The following SYDE2 variants were observed in gnomAD, a reference collection of about 807,000 sequenced individuals.
SYDE2 encodes synapse defective Rho GTPase homolog 2.
Under a neutral mutation model 91.5 loss-of-function variants are expected in SYDE2, and 76 were observed. The ratio of observed to expected loss-of-function variants is 0.83; its 90% confidence interval spans 0.69 to 1.01. The LOEUF (loss-of-function observed/expected upper bound fraction) is 1.01, where lower values mean the gene tolerates loss of function less well. Among genes scored for constraint, SYDE2 ranks in the 50% least tolerant of loss-of-function variants. The probability of loss-of-function intolerance (pLI) is 0.00; values close to 1 mark genes in which losing one functional copy is unlikely to be tolerated. For missense variants in SYDE2, 1,364 were observed against 1,367.7 expected (o/e 1.00, Z 0.04); for synonymous variants, 513 against 506.4 (o/e 1.01, Z -0.18).
intron 6 of SYDE2, among the ~76,000 whole-genome samples, chr1:85,162,389 G>A (rs1657094902): frequency 6.6e-6 from 1 of 152,108 alleles, no homozygotes; most frequent in Non-Finnish European, 1.5e-5. Context: ...AACTTTCTCA[G>A]GCCAAGTAAA....
chr1:85,183,241 T>C, intron 2 of SYDE2, 41 bp from the exon 3 acceptor site: 1 of 1,472,512 alleles, frequency 6.8e-7, no homozygotes, highest in Non-Finnish European at 9.0e-7. Flanking sequence ...AAGCAATATG[T>C]TTTGATTTCT....
At chr1:85,186,369 T>C (rs1658139450) in intron 2 of SYDE2, among the ~76,000 whole-genome samples, 1 of 152,164 alleles carries the variant, frequency 6.6e-6, no homozygotes. Context: ...TCAGAAGGAA[T>C]GGTACCAGTT....
chr1:85,185,270 ATATT>A (rs1395853575), intron 2 of SYDE2, among the ~76,000 whole-genome samples: 2 of 148,248 alleles, frequency 1.3e-5, no homozygotes, highest in Non-Finnish European at 1.5e-5. Flanking sequence ...TTTTAATTAT[ATATT>A]TATGAGAAGA....
chr1:85,195,217 C>T (rs565756702), intron 1 of SYDE2, among the ~76,000 whole-genome samples: 1 of 151,694 alleles, frequency 6.6e-6, no homozygotes, highest in East Asian at 1.9e-4. Flanking sequence ...TTTAAAAATT[C>T]TGCAGAAATA....
intron 4 of SYDE2, among the ~76,000 whole-genome samples, chr1:85,175,020 A>G (rs903277422): frequency 3.9e-5 from 6 of 152,222 alleles, no homozygotes; most frequent in Admixed American, 1.3e-4. Flanking sequence ...TTAAAATCAT[A>G]AAAAGGCATG....
chr1:85,164,784 A>G, intron 5 of SYDE2, 27 bp from the exon 6 acceptor site: 1 of 1,298,188 alleles, frequency 7.7e-7, no homozygotes, highest in Non-Finnish European at 9.9e-7. Context: ...TTCAATTAAT[A>G]TAGTCATAAA....
chr1:85,164,394 T>A, intron 6 of SYDE2, 132 bp downstream of exon 6: 2 of 563,762 alleles, frequency 3.5e-6, no homozygotes, highest in South Asian at 3.2e-5. Flanking sequence ...AAAGGGCAGG[T>A]ATCAATTCAC....
chr1:85,180,584 T>C (rs763582156), intron 3 of SYDE2, among the ~76,000 whole-genome samples: 13 of 151,800 alleles, frequency 8.6e-5, no homozygotes, highest in South Asian at 6.2e-4. Flanking sequence ...TCCCAGCTAA[T>C]TGGGAGGCTG....
chr1:85,200,328 G>A lies in SYDE2; in HGVS notation c.669C>T (p.Ser223=), dbSNP rs1237073812. ...APKVTGTQAA[S]PNVGALKVRE... Reference sequence around the variant, plus strand: ...GCACTTTCAAAGCGCCCACATTTGGGGAGGCTGCCTGCGTTCCTGTGACTT... The same window carrying A: ...GCACTTTCAAAGCGCCCACATTTGGAGAGGCTGCCTGCGTTCCTGTGACTT... The change falls in exon 1 of 7, where the codon TCC becomes TCT. Residue 223 remains serine (S), a synonymous_variant. Coordinates refer to ENST00000341460, the MANE Select transcript of SYDE2 (RefSeq NM_032184.2). 1 of 1,614,004 alleles carries A rather than the reference G, an allele frequency of 6.2e-7. No homozygotes were observed. Among genetic ancestry groups the A allele is most frequent in the South Asian group, 1.1e-5 (1 of 91,086 alleles).
At position 85,159,997 on chromosome 1, in the gene SYDE2, C is replaced by G. The variant is rs185357096; in HGVS notation, c.3086-748G>C. 936 of 835,578 alleles carry G rather than the reference C, an allele frequency of 1.1e-3. 24 individuals are homozygous for G. The highest frequency in any genetic ancestry group is 2.4e-4 in the Non-Finnish European group (171 of 700,022). The allele number at this position is 835,578 out of a possible 1,614,324, so 51.8% of individuals were successfully genotyped here. ...GTGCTAGCCATATAGACGATTACCA[C>G]AGAGACACACATTACTTCATTACAA... On this transcript the variant is annotated intron_variant, in intron 6 of 6. Transcript: ENST00000341460.
chr1:85,191,186 A>G (rs1191212433), intron 1 of SYDE2, among the ~76,000 whole-genome samples: 5 of 152,210 alleles, frequency 3.3e-5, no homozygotes, highest in African/African-American at 9.6e-5. Context: ...TCACACAAAG[A>G]TTAACTTTCA....
At position 85,182,336 on chromosome 1, in the gene SYDE2, A is replaced by G; in HGVS notation, c.2306T>C (p.Leu769Ser). ...CCHGTVVLPTLFRVTKTHQLA... is the reference protein window; with the variant it reads ...CCHGTVVLPTSFRVTKTHQLA... ...CTGATGAGTCTTTGTCACTCTAAATAAGGTGGGAAGAACAACAGTTCCATG... is the reference window on the plus strand; with the variant it reads ...CTGATGAGTCTTTGTCACTCTAAATGAGGTGGGAAGAACAACAGTTCCATG... The change falls in exon 3 of 7, where the codon TTA becomes TCA. Residue 769 changes from leucine (L) to serine (S), a missense_variant. Coordinates refer to ENST00000341460, the MANE Select transcript of SYDE2 (RefSeq NM_032184.2). 1 of 1,613,926 alleles carries G rather than the reference A, an allele frequency of 6.2e-7. No individual in the cohort carries two copies. Among genetic ancestry groups the G allele is most frequent in the Non-Finnish European group, 8.5e-7 (1 of 1,179,846 alleles).
Position 85,182,959 on chromosome 1 carries a change from CAAAG to C in SYDE2, c.1679_1682del (p.Ser560CysfsTer29), listed in dbSNP as rs1256047003. 6.2e-7 allele frequency: 1 copy of C among 1,613,768 alleles called. No homozygotes were observed. The highest frequency in any genetic ancestry group is 1.1e-5 in the South Asian group (1 of 91,062). On this transcript the variant is annotated frameshift_variant, in exon 3 of 7. Coordinates refer to ENST00000341460, the MANE Select transcript of SYDE2 (RefSeq NM_032184.2). LOFTEE classifies it high-confidence loss of function. ...GAACTTCTCGGCAGTTATATTTAGA[CAAAG>C]AAGGAGTATTATCTGGACTGTTTAT...
chr1:85,165,548 T>C (rs1657234705), intron 5 of SYDE2, among the ~76,000 whole-genome samples: 1 of 151,802 alleles, frequency 6.6e-6, no homozygotes, highest in Non-Finnish European at 1.5e-5. Context: ...AAGACATGTT[T>C]AAAAGGCCAA....
At chr1:85,166,712 T>A (rs1010119275) in intron 5 of SYDE2, among the ~76,000 whole-genome samples, 3 of 152,224 alleles carry the variant, frequency 2.0e-5, no homozygotes, top group Admixed American at 6.5e-5. Flanking sequence ...TTTAAATTCA[T>A]AATTATTTCC....
chr1:85,181,966 A>G, intron 3 of SYDE2, 132 bp downstream of exon 3: 2 of 986,716 alleles, frequency 2.0e-6, no homozygotes, highest in Non-Finnish European at 2.9e-6. Flanking sequence ...ACAGTAATGG[A>G]ATAAAAATAA....
chr1:85,176,359 GTTTGT>G (rs1214261789), intron 4 of SYDE2, among the ~76,000 whole-genome samples: 3 of 152,014 alleles, frequency 2.0e-5, no homozygotes. Context: ...AAAAGTGACA[GTTTGT>G]TTTATCTTAC....
Position 85,200,920 on chromosome 1 carries a change from G to C in SYDE2, c.77C>G (p.Ala26Gly), listed in dbSNP as rs1046296605. 1 of 1,320,418 alleles carries C rather than the reference G, an allele frequency of 7.6e-7. No homozygotes were observed. The highest frequency in any genetic ancestry group is 2.3e-5 in the South Asian group (1 of 43,604). 81.8% of individuals were successfully genotyped at this position (1,320,418 alleles called of 1,614,324 possible). A position where few individuals can be genotyped will look rare whatever the true frequency, so the allele number is the denominator to read the frequency against. The change falls in exon 1 of 7, where the codon GCC (alanine) becomes GGC (glycine). Residue 26 changes from alanine (A) to glycine (G), a missense_variant. Ala to Gly is a moderately conservative substitution (Grantham distance 60). Coordinates refer to ENST00000341460, the MANE Select transcript of SYDE2 (RefSeq NM_032184.2). ...GLADHSFPAG[A>G]RAPGQPPSRG... ...GGAAGGCGGCTGGCCCGGAGCCCGG[G>C]CTCCCGCGGGGAAGCTGTGATCCGC...
At chr1:85,186,847 C>T (rs926216808) in intron 2 of SYDE2, among the ~76,000 whole-genome samples, 1 of 152,186 alleles carries the variant, frequency 6.6e-6, no homozygotes, top group Non-Finnish European at 1.5e-5. Context: ...TTCCTTATAC[C>T]TTCTACAAAA....
Sources: gnomAD v4.1 joint callset for allele counts (sites outside exome capture counted in the v4.1 genomes callset) on GRCh38, gnomAD v4.1.1 for gene constraint, MANE v1.5 for transcripts, NCBI Gene and HGNC (gene_info 2026-07-23, HGNC 2026-07-21) for gene names.